The following RSF1 variants were observed in gnomAD, a reference collection of about 807,000 sequenced individuals.
The protein encoded by RSF1 is HBV pX-associated protein 8.
RSF1 carries 13 observed loss-of-function variants against 145.2 expected under a neutral mutation model. The ratio of observed to expected loss-of-function variants is 0.09; its 90% CI spans 0.06 to 0.14. The LOEUF is 0.14. RSF1 is among the 10% of genes least tolerant of loss of function. The pLI is 1.00. For synonymous variants in RSF1, 577 were observed against 592.6 expected (o/e 0.97, Z 0.38); for missense variants, 1,517 against 1,718.2 (o/e 0.88, Z 2.07).
chr11:77,700,979 G>A lies in RSF1; in HGVS notation c.2250C>T (p.Pro750=), dbSNP rs1273979057. Residue 750 remains proline (P), a synonymous_variant, in exon 6 of 16, where the codon CCC becomes CCT. Transcript: ENST00000308488. The part of the protein sequence containing the change: ...SSRKKKPDSP[P]KVLEPENKQE... ...GCTTGTTTTCTGGTTCTAGAACTTT[G>A]GGGGGAGAATCGGGCTTCTTTTTCC... 1 of 1,613,306 alleles carries A rather than the reference G, an allele frequency of 6.2e-7. No individual in the cohort carries two copies. The highest frequency in any genetic ancestry group is 8.5e-7 in the Non-Finnish European group (1 of 1,179,994).
chr11:77,842,598 G>A, the RSF1 span: 3 of 1,613,942 alleles, frequency 1.9e-6, no homozygotes, highest in Non-Finnish European at 2.5e-6. Context: ...GGGGTAGTCG[G>A]ACTTGGGATT....
intron 9 of RSF1, among the ~76,000 whole-genome samples, chr11:77,687,743 G>C (rs1301291092): frequency 1.3e-5 from 2 of 152,130 alleles, no homozygotes; most frequent in African/African-American, 4.8e-5. Context: ...GGATTACCTA[G>C]AGTAGGAGAG....
chr11:77,869,654 C>T, the RSF1 span: 1 of 1,423,174 alleles, frequency 7.0e-7, no homozygotes, highest in Non-Finnish European at 9.9e-7. Context: ...GAATGAATCC[C>T]ACAAGAATGC....
At chr11:77,869,688 C>A in the RSF1 span, 1 of 1,578,404 alleles carries the variant, frequency 6.3e-7, no homozygotes, top group African/African-American at 1.3e-5. Flanking sequence ...AGATTGAGAG[C>A]AGGTACCTGT....
chr11:77,716,175 G>A (rs1332378053), intron 5 of RSF1, among the ~76,000 whole-genome samples: 1 of 151,976 alleles, frequency 6.6e-6, no homozygotes, highest in African/African-American at 2.4e-5. Context: ...CTGTTGTTGA[G>A]AATGTGAAGT....
chr11:77,817,726 A>G (rs1948795481), intron 1 of RSF1, among the ~76,000 whole-genome samples: 1 of 152,192 alleles, frequency 6.6e-6, no homozygotes, highest in Admixed American at 6.5e-5. Flanking sequence ...AAATAGGAAT[A>G]ATACTATCAA....
intron 1 of RSF1, among the ~76,000 whole-genome samples, chr11:77,815,507 G>C (rs1451823892): frequency 6.6e-6 from 1 of 152,058 alleles, no homozygotes; most frequent in East Asian, 1.9e-4. Context: ...AGTTTAACAT[G>C]TACTTTAGGC....
chr11:77,844,580 T>G, the RSF1 span, among the ~76,000 whole-genome samples: 1 of 152,100 alleles, frequency 6.6e-6, no homozygotes, highest in Non-Finnish European at 1.5e-5. Flanking sequence ...CAGGCTGGTC[T>G]TGAACTCCTG....
At chr11:77,714,943 A>C (rs12418559) in intron 5 of RSF1, among the ~76,000 whole-genome samples, 20,014 of 152,094 alleles carry the variant, frequency 0.13, 1,520 homozygotes, top group East Asian at 0.2. Flanking sequence ...ACATAGCAAG[A>C]CCTCATCTCT....
At chr11:77,870,573 G>A in the RSF1 span, among the ~76,000 whole-genome samples, 7 of 151,890 alleles carry the variant, frequency 4.6e-5, no homozygotes, top group African/African-American at 9.7e-5. Flanking sequence ...TCCTGACCTC[G>A]TGATCCACCT....
the RSF1 span, among the ~76,000 whole-genome samples, chr11:77,838,774 G>A: frequency 9.9e-5 from 15 of 151,956 alleles, no homozygotes; most frequent in South Asian, 2.1e-3. Context: ...CCACCACTGC[G>A]CCCAGCTATT....
intron 4 of RSF1, chr11:77,734,859 A>G (rs1223362663): frequency 1.9e-6 from 3 of 1,587,374 alleles, no homozygotes; most frequent in Non-Finnish European, 2.6e-6. Context: ...ATTGGTGAAG[A>G]AAGTATTTGG....
Position 77,665,345 on chromosome 11 carries a change from C to T in RSF1, c.*1572G>A, listed in dbSNP as rs1959335320. 6.6e-6 allele frequency: 1 copy of T among 152,118 alleles called. No individual in the cohort carries two copies. The allele number at this position is 152,118 out of a possible 1,614,324, so 9.4% of individuals were successfully genotyped here. On this transcript the variant is annotated 3_prime_UTR_variant, in exon 16 of 16. Transcript: ENST00000308488. ...GCCGGCAACAGACACAACACCGGAA[C>T]AGAAAAACCCAAATCCCAGGGCTAA...
rs527800638 is a variant in RSF1, at chr11:77,798,888, C to T, written c.187+21640G>A. 3.0e-4 allele frequency among the ~76,000 whole-genome samples: 45 copies of T among 150,058 alleles called. 1 individual carries two copies. The highest frequency in any genetic ancestry group is 7.4e-5 in the Non-Finnish European group (5 of 67,770). On this transcript the variant is annotated intron_variant, in intron 1 of 15. Transcript: ENST00000308488. ...TAGGAGACATACCTAATGTAGGTGA[C>T]GGGTTGATGGCACGTGTATACCTAT...
At chr11:77,717,829 A>G (rs1189786869) in intron 5 of RSF1, 1 of 152,250 alleles carries the variant, frequency 6.6e-6, no homozygotes, top group African/African-American at 2.4e-5. Flanking sequence ...CATTATGAGT[A>G]ACATCATAAA....
At chr11:77,771,174 G>T (rs1423120087) in intron 1 of RSF1, among the ~76,000 whole-genome samples, 1 of 152,148 alleles carries the variant, frequency 6.6e-6, no homozygotes, top group East Asian at 1.9e-4. Context: ...GGGAAGAACG[G>T]ATTTTTTCCC....
chr11:77,664,440 A>C lies in RSF1; in HGVS notation c.*2477T>G, dbSNP rs572364823. 1 of 152,352 alleles carries C rather than the reference A, an allele frequency of 6.6e-6. No individual in the cohort carries two copies. The highest frequency in any genetic ancestry group is 2.1e-4 in the South Asian group (1 of 4,832). 9.4% of individuals were successfully genotyped at this position (152,352 alleles called of 1,614,324 possible). A position where few individuals can be genotyped will look rare whatever the true frequency, so the allele number is the denominator to read the frequency against. On this transcript the variant is annotated 3_prime_UTR_variant, in exon 16 of 16. Transcript: ENST00000308488. ...CTCAGTCTTTGAGATGGTAAGAATT[A>C]CCTTAGGCTTTCTATAGTAGAAGAG... is the stretch of plus-strand genomic sequence containing the variant.
At chr11:77,748,780 G>T (rs1948029744) in intron 2 of RSF1, among the ~76,000 whole-genome samples, 2 of 152,164 alleles carry the variant, frequency 1.3e-5, no homozygotes, top group South Asian at 4.1e-4. Context: ...TTAATATTTA[G>T]CTACCATATG....
intron 1 of RSF1, among the ~76,000 whole-genome samples, chr11:77,787,559 A>G (rs1359441415): frequency 6.6e-6 from 1 of 152,192 alleles, no homozygotes; most frequent in African/African-American, 2.4e-5. Context: ...AAAGCCTAAA[A>G]TACGTACTAT....
Sources: gnomAD v4.1 joint callset for allele counts (sites outside exome capture counted in the v4.1 genomes callset) on GRCh38, gnomAD v4.1.1 for gene constraint, MANE v1.5 for transcripts, NCBI Gene and HGNC (gene_info 2026-07-23, HGNC 2026-07-21) for gene names.